FAM174B: variants seen among roughly 807,000 people sequenced by gnomAD.
FAM174B encodes family with sequence similarity 174 member B, also known as membrane protein FAM174B.
FAM174B carries 12 observed loss-of-function variants against 10.9 expected under a neutral mutation model. The observed-to-expected ratio is 1.10, with a 90% CI of 0.71 to 1.79. The LOEUF (loss-of-function observed/expected upper bound fraction) is 1.79, where lower values mean the gene tolerates loss of function less well. FAM174B is among the 40% of genes most tolerant of loss of function. The pLI is 0.00. For missense variants in FAM174B, 266 were observed against 233.3 expected, an observed-to-expected ratio of 1.14 and a Z score of -0.91; for synonymous variants, 132 against 115.8, an observed-to-expected ratio of 1.14 and a Z score of -0.90.
chr15:92,642,053 C>T (rs945392193), intron 1 of FAM174B, among the ~76,000 whole-genome samples: 2 of 152,126 alleles, frequency 1.3e-5, no homozygotes, highest in Non-Finnish European at 2.9e-5. Context: ...GCACAATACA[C>T]GAAGGCAAAC....
At chr15:92,621,865 G>C (rs933881112) in intron 2 of FAM174B, among the ~76,000 whole-genome samples, 3 of 152,090 alleles carry the variant, frequency 2.0e-5, no homozygotes, top group Non-Finnish European at 4.4e-5. Flanking sequence ...CCAACATTAA[G>C]GTTCCTACCA....
intron 1 of FAM174B, among the ~76,000 whole-genome samples, chr15:92,630,548 C>T (rs191287749): frequency 2.0e-4 from 31 of 151,980 alleles, no homozygotes; most frequent in East Asian, 1.5e-3. Context: ...CCAGGAGATT[C>T]GGTTAACACC....
chr15:92,628,872 A>G (rs2141951985), intron 2 of FAM174B, among the ~76,000 whole-genome samples: 1 of 152,372 alleles, frequency 6.6e-6, no homozygotes, highest in South Asian at 2.1e-4. Flanking sequence ...ACAAAAATGT[A>G]TAAAACATTT....
chr15:92,648,657 A>C (rs1249575679), intron 1 of FAM174B, among the ~76,000 whole-genome samples: 1 of 152,140 alleles, frequency 6.6e-6, no homozygotes, highest in East Asian at 1.9e-4. Flanking sequence ...GTAGGGAGGT[A>C]GGCGGAAGGA....
intron 2 of FAM174B, 134 bp from the exon 3 acceptor site, chr15:92,619,593 G>A: frequency 9.9e-7 from 1 of 1,013,978 alleles, no homozygotes; most frequent in Non-Finnish European, 1.5e-6. Context: ...CAGGACCTTT[G>A]AGCGTGCTGT....
chr15:92,622,568 T>C (rs1394615344), intron 2 of FAM174B, among the ~76,000 whole-genome samples: 1 of 152,234 alleles, frequency 6.6e-6, no homozygotes, highest in East Asian at 1.9e-4. Flanking sequence ...CCTGTGGCCA[T>C]CTATTGGCCA....
intron 1 of FAM174B, chr15:92,655,091 T>C: frequency 2.3e-6 from 1 of 430,600 alleles, no homozygotes; most frequent in Non-Finnish European, 3.9e-6. Context: ...ATTTTATATA[T>C]ATAGTTAAAG....
intron 2 of FAM174B, among the ~76,000 whole-genome samples, chr15:92,622,444 T>G (rs886758050): frequency 6.6e-6 from 1 of 152,230 alleles, no homozygotes; most frequent in African/African-American, 2.4e-5. Context: ...CTTCAGGCTC[T>G]CTGGGGTGAC....
intron 1 of FAM174B, among the ~76,000 whole-genome samples, chr15:92,633,089 TA>T (rs2050830134): frequency 6.6e-6 from 1 of 152,194 alleles, no homozygotes; most frequent in African/African-American, 2.4e-5. Context: ...TCAGAATATT[TA>T]ATACTGTCTA....
intron 1 of FAM174B, among the ~76,000 whole-genome samples, chr15:92,650,609 C>T (rs1274193453): frequency 6.6e-6 from 1 of 152,114 alleles, no homozygotes; most frequent in African/African-American, 2.4e-5. Flanking sequence ...GACACCAGAG[C>T]GTAAAGTCAG....
At chr15:92,636,622 G>A (rs187057549) in intron 1 of FAM174B, among the ~76,000 whole-genome samples, 65 of 147,060 alleles carry the variant, frequency 4.4e-4, no homozygotes, top group African/African-American at 1.4e-3. Flanking sequence ...AATGTGCCGC[G>A]GAGATAGGCT....
Position 92,655,399 on chromosome 15 carries a change from G to C in FAM174B, c.261C>G (p.Asp87Glu). ...TCACGGCTGCCTTGAGGGTGGGTAG[G>C]TCGCGGAGGAGGATGGAAATGCGGG... The part of the protein sequence containing the change: ...LVTRISILLR[D>E]LPTLKAAVIV... The change falls in exon 1 of 3, where the codon GAC becomes GAG. Residue 87 changes from aspartate to glutamate, a missense_variant. Transcript: ENST00000327355. 6.2e-7 allele frequency: 1 copy of C among 1,600,750 alleles called. No homozygotes were observed. The highest frequency in any genetic ancestry group is 8.5e-7 in the Non-Finnish European group (1 of 1,174,596).
At chr15:92,647,331 C>T (rs1330106020) in intron 1 of FAM174B, among the ~76,000 whole-genome samples, 1 of 152,152 alleles carries the variant, frequency 6.6e-6, no homozygotes, top group Non-Finnish European at 1.5e-5. Context: ...GGTCCCTGAC[C>T]CATCCTTTCT....
At position 92,655,443 on chromosome 15, in the gene FAM174B, T is replaced by C; in HGVS notation, c.217A>G (p.Ser73Gly). 6.9e-7 allele frequency: 1 copy of C among 1,452,086 alleles called. No homozygotes were observed. Among genetic ancestry groups the C allele is most frequent in the Non-Finnish European group, 9.0e-7 (1 of 1,108,642 alleles). The allele number at this position is 1,452,086 out of a possible 1,614,324, so 90.0% of individuals were successfully genotyped here. The change falls in exon 1 of 3, where the codon AGT (serine) becomes GGT (glycine). Residue 73 changes from serine (S) to glycine (G), a missense_variant. Ser to Gly is a moderately conservative substitution (Grantham distance 56). Transcript: ENST00000327355. ...GGSGSSSSNSSGDALVTRISI... is the reference protein window; with the variant it reads ...GGSGSSSSNSGGDALVTRISI... ...ATGCGGGTCACCAAGGCGTCGCCACTGCTGTTGGAGCTGGAGCTGCCGCTG... is the reference window on the plus strand; with the variant it reads ...ATGCGGGTCACCAAGGCGTCGCCACCGCTGTTGGAGCTGGAGCTGCCGCTG...
intron 1 of FAM174B, among the ~76,000 whole-genome samples, chr15:92,635,818 TG>T (rs958009327): frequency 2.6e-5 from 4 of 152,040 alleles, no homozygotes; most frequent in African/African-American, 9.7e-5. Context: ...TGACCTCAGG[TG>T]ATCTGCCTGC....
At chr15:92,625,594 A>T (rs1284496586) in intron 2 of FAM174B, among the ~76,000 whole-genome samples, 1 of 152,242 alleles carries the variant, frequency 6.6e-6, no homozygotes, top group African/African-American at 2.4e-5. Context: ...TATTGGCCTG[A>T]AAAGTTGCTC....
chr15:92,644,726 C>T lies in FAM174B; in HGVS notation c.344+10590G>A, dbSNP rs548834487. On this transcript the variant is annotated intron_variant, in intron 1 of 2. Coordinates refer to ENST00000327355, the MANE Select transcript of FAM174B (RefSeq NM_207446.3). Reference sequence around the variant, plus strand: ...AGCAGCAGGACTGCTGAGACCTAAACAAGGGAACAAACAACAGTGACAAGT... The same window carrying T: ...AGCAGCAGGACTGCTGAGACCTAAATAAGGGAACAAACAACAGTGACAAGT... Among the ~76,000 whole-genome samples, 10 of 152,312 alleles carry T rather than the reference C, an allele frequency of 6.6e-5. 1 individual carries two copies. The highest frequency in any genetic ancestry group is 1.5e-4 in the Non-Finnish European group (10 of 68,032).
chr15:92,633,018 G>A (rs1000337397), intron 1 of FAM174B, among the ~76,000 whole-genome samples: 11 of 152,148 alleles, frequency 7.2e-5, no homozygotes, highest in African/African-American at 2.4e-4. Flanking sequence ...CTTTGTGTTT[G>A]TTCCTCCACT....
At chr15:92,621,617 A>AG (rs2050720014) in intron 2 of FAM174B, among the ~76,000 whole-genome samples, 1 of 152,050 alleles carries the variant, frequency 6.6e-6, no homozygotes, top group East Asian at 1.9e-4. Flanking sequence ...TCAAAAAAAA[A>AG]AAAAAAATTG....
Sources: allele counts gnomAD v4.1 joint callset (sites outside exome capture counted in the v4.1 genomes callset), GRCh38; gene constraint gnomAD v4.1.1; transcripts MANE v1.5; gene names NCBI Gene and HGNC (gene_info 2026-07-23, HGNC 2026-07-21).